Variants in XIRP2 observed in about 807,000 individuals in gnomAD.
The protein encoded by XIRP2 is xin actin binding repeat containing 2.
Under a neutral mutation model 277.0 loss-of-function variants are expected in XIRP2, and 236 were observed. That is an observed-to-expected ratio of 0.85 (90% CI 0.77 to 0.95). XIRP2 has a LOEUF of 0.95. Ranked by LOEUF, XIRP2 falls within the 40% of genes least tolerant of loss-of-function variation. XIRP2 has a pLI of 0.00. For synonymous variants in XIRP2, 1,490 were observed against 1,416.5 expected (o/e 1.05, Z -1.17); for missense variants, 4,640 against 4,157.5 (o/e 1.12, Z -3.19).
At chr2:167,209,138 A>T (rs144569520) in intron 3 of XIRP2, among the ~76,000 whole-genome samples, 3 of 152,346 alleles carry the variant, frequency 2.0e-5, no homozygotes, top group Non-Finnish European at 4.4e-5. Flanking sequence ...ATCAGCATTC[A>T]TATAATACCA....
chr2:167,086,447 C>T (rs577347018), intron 2 of XIRP2, among the ~76,000 whole-genome samples: 52 of 152,084 alleles, frequency 3.4e-4, no homozygotes, highest in African/African-American at 1.1e-3. Context: ...CAAGGAGTAT[C>T]TTTGTGGCGT....
intron 9 of XIRP2, 120 bp from the exon 10 acceptor site, chr2:167,253,912 A>G: frequency 9.0e-7 from 1 of 1,115,842 alleles, no homozygotes; most frequent in Non-Finnish European, 1.3e-6. Context: ...TAAGGACAGT[A>G]GTCTTAGAGC....
intron 2 of XIRP2, among the ~76,000 whole-genome samples, chr2:167,090,801 T>C (rs1388563006): frequency 6.6e-6 from 1 of 152,026 alleles, no homozygotes; most frequent in Non-Finnish European, 1.5e-5. Context: ...ATGTGATCTC[T>C]CATGACCAAG....
Position 167,248,229 on chromosome 2 carries a change from G to T in XIRP2, c.6837G>T (p.Glu2279Asp), listed in dbSNP as rs200547698. The T allele has an allele frequency of 6.4e-5, 104 of 1,613,624 alleles. No homozygotes were observed. The African/African-American group carries it at 1.3e-3, about 19-fold the overall frequency. ...RSLNPINFNP[E>D]NNVKESECPL... is the part of the protein sequence containing the mutation. ...TGAATCCAATCAACTTTAACCCTGA[G>T]AATAATGTAAAAGAAAGTGAGTGCC... The change falls in exon 9 of 11, where the codon GAG (glutamate) becomes GAT (aspartate). Residue 2279 changes from glutamate to aspartate, a missense_variant. Physicochemically the swap from Glu to Asp is conservative, Grantham distance 45 (BLOSUM62 2). Transcript: ENST00000409195.
chr2:167,081,005 T>G (rs1039918002), intron 2 of XIRP2, among the ~76,000 whole-genome samples: 15 of 152,168 alleles, frequency 9.9e-5, no homozygotes, highest in African/African-American at 3.6e-4. Context: ...ATGAGGTAAT[T>G]TATTAAAGAA....
At chr2:166,901,389 G>A (rs537038074) in intron 1 of XIRP2, among the ~76,000 whole-genome samples, 1 of 152,082 alleles carries the variant, frequency 6.6e-6, no homozygotes, top group Admixed American at 6.6e-5. Context: ...GGTTTTAGCT[G>A]TATTTAGTAG....
chr2:167,162,451 C>T (rs532076878), intron 3 of XIRP2, among the ~76,000 whole-genome samples: 244 of 152,262 alleles, frequency 1.6e-3, no homozygotes, highest in Admixed American at 3.7e-3. Context: ...ACATATCACA[C>T]TGTGAGGGGC....
At chr2:166,927,731 ATG>A (rs772313822) in intron 2 of XIRP2, among the ~76,000 whole-genome samples, 53 of 152,224 alleles carry the variant, frequency 3.5e-4, no homozygotes, top group Admixed American at 2.5e-3. Context: ...TCCCTTTGCC[ATG>A]TGTGGCCACA....
chr2:167,234,441 A>G (rs1451068797), intron 5 of XIRP2, among the ~76,000 whole-genome samples: 1 of 151,084 alleles, frequency 6.6e-6, no homozygotes, highest in Non-Finnish European at 1.5e-5. Context: ...ATATGATCAC[A>G]GGAATGTATT....
intron 5 of XIRP2, among the ~76,000 whole-genome samples, chr2:167,224,197 T>C (rs960186824): frequency 6.6e-6 from 1 of 152,064 alleles, no homozygotes; most frequent in Non-Finnish European, 1.5e-5. Flanking sequence ...AACTACCTCT[T>C]AGAGTTCTCA....
chr2:167,122,584 CT>C (rs1288594171), intron 2 of XIRP2, among the ~76,000 whole-genome samples: 1 of 152,110 alleles, frequency 6.6e-6, no homozygotes, highest in Non-Finnish European at 1.5e-5. Flanking sequence ...GATACTGTCT[CT>C]AGATAGTATC....
chr2:167,193,149 C>A (rs969432238), intron 3 of XIRP2, among the ~76,000 whole-genome samples: 4 of 152,148 alleles, frequency 2.6e-5, no homozygotes, highest in African/African-American at 9.7e-5. Flanking sequence ...TTAAGTCACA[C>A]CCTTTGGTTT....
At chr2:167,042,516 T>C (rs948307221) in intron 2 of XIRP2, among the ~76,000 whole-genome samples, 4 of 151,698 alleles carry the variant, frequency 2.6e-5, no homozygotes, top group Admixed American at 2.0e-4. Flanking sequence ...AAATAGAAAA[T>C]GAAACGAACG....
At position 167,251,230 on chromosome 2, in the gene XIRP2, A is replaced by G. The variant is rs777189944; in HGVS notation, c.9838A>G (p.Thr3280Ala). ...TYVHKDGLNS[T>A]DHMVPDTESY... is the part of the protein sequence containing the mutation. ...TGTTCATAAAGATGGACTAAATTCC[A>G]CTGATCACATGGTGCCCGACACTGA... Residue 3280 changes from threonine to alanine, a missense_variant, in exon 9 of 11, where the codon ACT (threonine) becomes GCT (alanine). Transcript: ENST00000409195. 14 of 1,613,460 alleles carry G rather than the reference A, an allele frequency of 8.7e-6. No individual in the cohort carries two copies. Among genetic ancestry groups the G allele is most frequent in the Admixed American group, 1.7e-5 (1 of 59,952 alleles).
intron 2 of XIRP2, among the ~76,000 whole-genome samples, chr2:167,100,916 A>G (rs1404617003): frequency 6.6e-6 from 1 of 152,200 alleles, no homozygotes; most frequent in African/African-American, 2.4e-5. Context: ...AGAGATTTAG[A>G]TATAAAAAGA....
At chr2:166,940,899 C>A (rs1488855960) in intron 2 of XIRP2, among the ~76,000 whole-genome samples, 1 of 152,146 alleles carries the variant, frequency 6.6e-6, no homozygotes, top group East Asian at 1.9e-4. Context: ...GGTCAGGGAC[C>A]CACTTGAGGA....
At position 167,243,043 on chromosome 2, in the gene XIRP2, G is replaced by A; in HGVS notation, c.1651G>A (p.Asp551Asn). The A allele has an allele frequency of 6.2e-7, 1 of 1,613,992 alleles. No individual in the cohort carries two copies. The highest frequency in any genetic ancestry group is 8.5e-7 in the Non-Finnish European group (1 of 1,179,976). Residue 551 changes from aspartate (D) to asparagine (N), a missense_variant, in exon 9 of 11, where the codon GAC becomes AAC. Transcript: ENST00000409195. ...QARYVFENTN[D>N]SSQKDLNSER... is the part of the protein sequence containing the mutation. Reference sequence around the variant, plus strand: ...CCGGTATGTTTTTGAAAACACAAATGACAGTTCTCAAAAAGATCTGAACTC... The same window carrying A: ...CCGGTATGTTTTTGAAAACACAAATAACAGTTCTCAAAAAGATCTGAACTC...
At chr2:167,022,903 C>T (rs542353682) in intron 2 of XIRP2, among the ~76,000 whole-genome samples, 2,913 of 151,808 alleles carry the variant, frequency 0.019, 29 homozygotes, top group Non-Finnish European at 0.028. Context: ...TGAATAGTGC[C>T]GCAATAAACA....
chr2:167,256,474 T>A (rs562571392), intron 10 of XIRP2, among the ~76,000 whole-genome samples: 58 of 151,916 alleles, frequency 3.8e-4, no homozygotes, highest in African/African-American at 1.3e-3. Flanking sequence ...CTTATGAGAT[T>A]TTAAATTCTG....
Sources: gnomAD v4.1 joint callset for allele counts (sites outside exome capture counted in the v4.1 genomes callset) on GRCh38, gnomAD v4.1.1 for gene constraint, MANE v1.5 for transcripts, NCBI Gene and HGNC (gene_info 2026-07-23, HGNC 2026-07-21) for gene names.